GAS7: variants seen among roughly 807,000 people sequenced by gnomAD.
GAS7 encodes growth arrest specific 7.
A neutral mutation model predicts 71.1 loss-of-function variants in GAS7; 28 were observed. That is an observed-to-expected ratio of 0.39 (90% confidence interval 0.29 to 0.54). GAS7 has a LOEUF of 0.54. Among genes scored for constraint, GAS7 ranks in the 20% least tolerant of loss-of-function variants. The pLI, the probability that GAS7 is intolerant of heterozygous loss-of-function variation, is 0.62. For missense variants in GAS7, 436 were observed against 627.8 expected (o/e 0.69, Z 3.27); for synonymous variants, 258 against 245.8 (o/e 1.05, Z -0.46).
At chr17:10,157,330 C>G (rs1017845919) in intron 1 of GAS7, among the ~76,000 whole-genome samples, 1 of 152,120 alleles carries the variant, frequency 6.6e-6, no homozygotes, top group African/African-American at 2.4e-5. Context: ...CAACTGCCCC[C>G]GGGAACACCC....
intron 9 of GAS7, among the ~76,000 whole-genome samples, chr17:9,929,989 AC>A (rs2068151552): frequency 6.6e-6 from 1 of 152,100 alleles, no homozygotes; most frequent in Non-Finnish European, 1.5e-5. Flanking sequence ...TTCATCTCAC[AC>A]ATCAGAAGAG....
intron 1 of GAS7, among the ~76,000 whole-genome samples, chr17:10,120,330 T>A (rs780256501): frequency 6.6e-6 from 1 of 151,994 alleles, no homozygotes; most frequent in African/African-American, 2.4e-5. Context: ...GCAGCCAGAG[T>A]GTTAGCTGTG....
chr17:9,968,567 T>G (rs2069819867), intron 4 of GAS7, among the ~76,000 whole-genome samples: 1 of 152,208 alleles, frequency 6.6e-6, no homozygotes, highest in African/African-American at 2.4e-5. Flanking sequence ...TTCCCCCAAA[T>G]TAACACTCTT....
At chr17:9,997,613 T>C (rs1345166478) in intron 2 of GAS7, among the ~76,000 whole-genome samples, 2 of 152,166 alleles carry the variant, frequency 1.3e-5, no homozygotes, top group East Asian at 3.9e-4. Flanking sequence ...TGATACTATC[T>C]ACCTGGAGAT....
chr17:10,174,171 T>C (rs1043078172), intron 1 of GAS7, among the ~76,000 whole-genome samples: 3 of 152,188 alleles, frequency 2.0e-5, no homozygotes, highest in Non-Finnish European at 2.9e-5. Context: ...TTCAAACTCA[T>C]AGGCTGCTAG....
intron 1 of GAS7, among the ~76,000 whole-genome samples, chr17:10,126,764 G>A (rs1341768423): frequency 1.3e-5 from 2 of 152,214 alleles, no homozygotes; most frequent in African/African-American, 2.4e-5. Flanking sequence ...CGTGGGGCAC[G>A]GGGAAGAGAC....
Position 9,969,824 on chromosome 17 carries a change from C to T in GAS7, c.386-62G>A, listed in dbSNP as rs998044587. ...GCCACAGATGGGCACCCCCGCCTTT[C>T]GTCCACTGCAGCCCCTTTTCCCACC... On this transcript the variant is annotated intron_variant, in intron 3 of 13. Coordinates refer to ENST00000432992, the MANE Select transcript of GAS7 (RefSeq NM_201433.2). This position sits in a 1 kb window ranked among gnomAD's most constrained non-coding sequence, Gnocchi z 5.5. 3.6e-5 allele frequency: 38 copies of T among 1,069,234 alleles called. No homozygotes were observed. The highest frequency in any genetic ancestry group is 5.0e-5 in the Non-Finnish European group (34 of 685,732). 66.2% of individuals were successfully genotyped at this position (1,069,234 alleles called of 1,614,324 possible).
chr17:10,130,540 G>A (rs894587324), intron 1 of GAS7, among the ~76,000 whole-genome samples: 13 of 152,150 alleles, frequency 8.5e-5, no homozygotes, highest in African/African-American at 3.1e-4. Context: ...CCAAAAACAT[G>A]TACACAAACG....
chr17:10,005,050 T>TATATATATATACACACACAC lies in GAS7; in HGVS notation c.304+14726_304+14727insGTGTGTGTGTATATATATAT, dbSNP rs1296844463. 7.6e-4 allele frequency among the ~76,000 whole-genome samples: 114 copies of TATATATATATACACACACAC among 150,074 alleles called. No homozygotes were observed. In the East Asian group the frequency reaches 0.016, roughly 22 times the overall value. ...CTCTCTATATATACATACATATATA[T>TATATATATATACACACACAC]ACACATATATGTGTGTATGCACGCA... On this transcript the variant is annotated intron_variant, in intron 2 of 13. Coordinates refer to ENST00000432992, the MANE Select transcript of GAS7 (RefSeq NM_201433.2).
At position 10,006,945 on chromosome 17, in the gene GAS7, G is replaced by A. The variant is rs576905233; in HGVS notation, c.304+12832C>T. Among the ~76,000 whole-genome samples, 20 of 152,298 alleles carry A rather than the reference G, an allele frequency of 1.3e-4. No individual in the cohort carries two copies. In the South Asian group the frequency reaches 3.9e-3, roughly 30 times the overall value. ...TTTGTCTTCAATAGCTCCACCATGA[G>A]ATTCTACAATTGTTTATGATTATAT... is the stretch of plus-strand genomic sequence containing the variant. On this transcript the variant is annotated intron_variant, in intron 2 of 13. Transcript: ENST00000432992.
intron 5 of GAS7, among the ~76,000 whole-genome samples, chr17:9,952,639 C>T (rs1166917585): frequency 2.0e-5 from 3 of 152,196 alleles, no homozygotes; most frequent in Admixed American, 2.0e-4. Context: ...GTGATCCACC[C>T]ACCTTGGCCT....
At chr17:10,181,793 A>G (rs2074418765) in intron 1 of GAS7, among the ~76,000 whole-genome samples, 1 of 152,170 alleles carries the variant, frequency 6.6e-6, no homozygotes, top group South Asian at 2.1e-4. Context: ...TACAGGTCAC[A>G]AAGACCCCGT....
intron 1 of GAS7, among the ~76,000 whole-genome samples, chr17:10,022,655 A>G (rs2152210170): frequency 6.6e-6 from 1 of 152,314 alleles, no homozygotes; most frequent in Non-Finnish European, 1.5e-5. Context: ...GAGGGTAACA[A>G]TACGTAACTC....
chr17:10,178,930 T>C lies in GAS7; in HGVS notation c.183+19278A>G, dbSNP rs559867915. On this transcript the variant is annotated intron_variant, in intron 1 of 13. Transcript: ENST00000432992. ...ACCACCACCTTGGAGGATCCGATTA[T>C]ACGGCCAGGACAGACAGGTGCTGGG... 4.4e-3 allele frequency among the ~76,000 whole-genome samples: 662 copies of C among 151,972 alleles called. 4 individuals are homozygous for C. Among genetic ancestry groups the C allele is most frequent in the Middle Eastern group, 0.02 (6 of 294 alleles).
chr17:9,936,937 A>C (rs747943193), intron 8 of GAS7, among the ~76,000 whole-genome samples: 7 of 152,250 alleles, frequency 4.6e-5, no homozygotes, highest in Non-Finnish European at 8.8e-5. Flanking sequence ...GTTGAATTGC[A>C]AAAGCCTCTC....
chr17:10,088,241 T>TAA (rs2073542697), intron 1 of GAS7, among the ~76,000 whole-genome samples: 1 of 147,384 alleles, frequency 6.8e-6, no homozygotes, highest in Non-Finnish European at 1.5e-5. Flanking sequence ...ATAATAATAA[T>TAA]AATAATAATA....
At position 9,926,977 on chromosome 17, in the gene GAS7, C is replaced by A. The variant is rs17745519; in HGVS notation, c.886-208G>T. The stretch of plus-strand genomic sequence containing the variant: ...AGGCAGGTCACCTTAGCTCAGGAGG[C>A]CCCCACACACGTCTACAGGATAAGT... On this transcript the variant is annotated intron_variant, in intron 9 of 13. Transcript: ENST00000432992. This position sits in a 1 kb window ranked among gnomAD's most constrained non-coding sequence, Gnocchi z 5.0. 0.37 allele frequency: 211,147 copies of A among 567,520 alleles called. 41,930 individuals are homozygous for A. Among genetic ancestry groups the A allele is most frequent in the Non-Finnish European group, 0.42 (133,133 of 315,864 alleles). The allele number at this position is 567,520 out of a possible 1,614,324, so 35.2% of individuals were successfully genotyped here.
chr17:10,086,539 T>C (rs902722015), intron 1 of GAS7, among the ~76,000 whole-genome samples: 1 of 152,138 alleles, frequency 6.6e-6, no homozygotes, highest in Non-Finnish European at 1.5e-5. Flanking sequence ...GTGACAGAGT[T>C]TGAGTGAAAG....
At chr17:10,126,577 A>C (rs2073952579) in intron 1 of GAS7, among the ~76,000 whole-genome samples, 1 of 150,602 alleles carries the variant, frequency 6.6e-6, no homozygotes, top group Non-Finnish European at 1.5e-5. Flanking sequence ...CACTCTCGAA[A>C]ACACACACAT....
Sources: allele counts gnomAD v4.1 joint callset (sites outside exome capture counted in the v4.1 genomes callset), GRCh38; gene constraint gnomAD v4.1.1; non-coding constraint Gnocchi (gnomAD v3.1); transcripts MANE v1.5; gene names NCBI Gene and HGNC (gene_info 2026-07-23, HGNC 2026-07-21).